Variants in XRRA1 observed in about 807,000 individuals in gnomAD.
The protein encoded by XRRA1 is X-ray radiation resistance associated 1.
In XRRA1, 69 loss-of-function variants were observed where a neutral mutation model predicts 80.2. The ratio of observed to expected loss-of-function variants is 0.86; its 90% CI spans 0.71 to 1.05. The LOEUF (loss-of-function observed/expected upper bound fraction) is 1.05. XRRA1 is among the 50% of genes least tolerant of loss of function. XRRA1 has a pLI of 0.00. For synonymous variants in XRRA1, 348 were observed against 389.9 expected (o/e 0.89, Z 1.27); for missense variants, 967 against 976.4 (o/e 0.99, Z 0.13).
chr11:74,930,021 A>G (rs1943135317), intron 6 of XRRA1, among the ~76,000 whole-genome samples: 1 of 152,200 alleles, frequency 6.6e-6, no homozygotes. Flanking sequence ...CCCATCTCAT[A>G]TGAGCCTGCA....
At chr11:74,914,256 G>T (rs570437140) in intron 8 of XRRA1, among the ~76,000 whole-genome samples, 2 of 152,314 alleles carry the variant, frequency 1.3e-5, no homozygotes, top group Non-Finnish European at 2.9e-5. Flanking sequence ...AAAGTGTTGG[G>T]ATTACAGGCG....
chr11:74,856,064 G>A (rs2041019128), intron 12 of XRRA1, among the ~76,000 whole-genome samples: 1 of 152,146 alleles, frequency 6.6e-6, no homozygotes, highest in Non-Finnish European at 1.5e-5. Flanking sequence ...CCCGGGAGGT[G>A]GAGGCTGCAG....
At chr11:74,894,888 A>T (rs950667564) in intron 10 of XRRA1, among the ~76,000 whole-genome samples, 1 of 152,270 alleles carries the variant, frequency 6.6e-6, no homozygotes, top group Non-Finnish European at 1.5e-5. Context: ...TGAAATACCA[A>T]TTCATAGAAG....
Position 74,848,165 on chromosome 11 carries a change from G to A in XRRA1, c.1678C>T (p.Arg560Cys), listed in dbSNP as rs376343453. Residue 560 changes from arginine to cysteine, a missense_variant, in exon 15 of 19, where the codon CGC becomes TGC. Arg to Cys is a radical substitution (Grantham distance 180). Transcript: ENST00000684022. ...CTCTTGGAGTCCTCATCTGATGGGC[G>A]CTCTGGGCTGAGGCGGACAGTTGTG... ...SDTTVRLSPERPSDEDSKSTE... is the reference protein window; with the variant it reads ...SDTTVRLSPECPSDEDSKSTE... 4.9e-5 allele frequency: 79 copies of A among 1,613,236 alleles called. No individual in the cohort carries two copies. Among genetic ancestry groups the A allele is most frequent in the East Asian group, 8.9e-5 (4 of 44,884 alleles).
Position 74,930,352 on chromosome 11 carries a change from C to T in XRRA1, c.372G>A (p.Lys124=). The change falls in exon 6 of 19, where the codon AAG becomes AAA. Residue 124 remains lysine (K), a synonymous_variant. Transcript: ENST00000684022. The part of the protein sequence containing the change: ...KFSKAKENDF[K]HFHSVIYINA... ...TGATATAAATCACAGAATGAAAATG[C>T]TTGAAGTCATTTTCCTTGGCCTGTA... is the stretch of plus-strand genomic sequence containing the variant. 1.3e-6 allele frequency: 2 copies of T among 1,563,716 alleles called. No homozygotes were observed.
intron 6 of XRRA1, among the ~76,000 whole-genome samples, chr11:74,928,167 TTCTC>T (rs1413331824): frequency 6.6e-6 from 1 of 152,236 alleles, no homozygotes; most frequent in African/African-American, 2.4e-5. Context: ...GAATAAATGT[TTCTC>T]TCTTTGAATG....
intron 8 of XRRA1, among the ~76,000 whole-genome samples, chr11:74,916,656 A>C (rs1440240947): frequency 6.6e-6 from 1 of 151,690 alleles, no homozygotes; most frequent in Non-Finnish European, 1.5e-5. Context: ...TTTCTCAGGG[A>C]TAGTTTCTGT....
At chr11:74,935,422 G>A (rs1012176061) in intron 4 of XRRA1, among the ~76,000 whole-genome samples, 1 of 152,200 alleles carries the variant, frequency 6.6e-6, no homozygotes, top group African/African-American at 2.4e-5. Flanking sequence ...TGAAATAAAA[G>A]CATCCTAATT....
intron 10 of XRRA1, among the ~76,000 whole-genome samples, chr11:74,865,955 G>A (rs1390349829): frequency 6.6e-6 from 1 of 152,182 alleles, no homozygotes; most frequent in Non-Finnish European, 1.5e-5. Flanking sequence ...TGAGATGCCA[G>A]TAGTGGTCCC....
rs755564067 is a variant in XRRA1, at chr11:74,844,228, G to A, written c.1983C>T (p.Cys661=). 6.2e-7 allele frequency: 1 copy of A among 1,613,840 alleles called. No individual in the cohort carries two copies. Among genetic ancestry groups the A allele is most frequent in the Non-Finnish European group, 8.5e-7 (1 of 1,179,872 alleles). ...LQQMLKHPLL[C]HSSKPKLDTL... ...TGTCCAGCTTGGGCTTGGAGGAGTGGCACAGGAGTGGGTGCTTCAGCATTT... is the reference window on the plus strand; with the variant it reads ...TGTCCAGCTTGGGCTTGGAGGAGTGACACAGGAGTGGGTGCTTCAGCATTT... The change falls in exon 17 of 19, where the codon TGC becomes TGT. Residue 661 remains cysteine, a synonymous_variant. Transcript: ENST00000684022.
chr11:74,867,432 C>G (rs1038932729), intron 10 of XRRA1, among the ~76,000 whole-genome samples: 1 of 152,084 alleles, frequency 6.6e-6, no homozygotes, highest in African/African-American at 2.4e-5. Flanking sequence ...TTTCAGAATA[C>G]AACTGCAATG....
chr11:74,875,129 C>T (rs2045755264), intron 10 of XRRA1, among the ~76,000 whole-genome samples: 2 of 152,194 alleles, frequency 1.3e-5, no homozygotes, highest in South Asian at 2.1e-4. Flanking sequence ...AAAATACCAT[C>T]AGGAAATTAA....
intron 3 of XRRA1, among the ~76,000 whole-genome samples, chr11:74,939,149 C>T (rs1213910520): frequency 2.0e-5 from 3 of 151,964 alleles, no homozygotes; most frequent in Admixed American, 6.6e-5. Context: ...GTCAGGAGTT[C>T]GAGACCAGTC....
chr11:74,917,140 A>G (rs796479960), intron 8 of XRRA1, among the ~76,000 whole-genome samples: 7 of 152,290 alleles, frequency 4.6e-5, no homozygotes, highest in African/African-American at 1.7e-4. Flanking sequence ...GTGCACCTCA[A>G]TGATGAGAAG....
At chr11:74,932,460 C>T (rs1943852704) in intron 5 of XRRA1, among the ~76,000 whole-genome samples, 1 of 152,190 alleles carries the variant, frequency 6.6e-6, no homozygotes, top group African/African-American at 2.4e-5. Flanking sequence ...TCCCTCTCTA[C>T]TGGACTATAT....
Position 74,944,255 on chromosome 11 carries a change from A to G in XRRA1, c.-5+763T>C, listed in dbSNP as rs1031855080. Among the ~76,000 whole-genome samples, 3 of 152,140 alleles carry G rather than the reference A, an allele frequency of 2.0e-5. No homozygotes were observed. In the South Asian group the frequency reaches 6.2e-4, roughly 32 times the overall value. On this transcript the variant is annotated intron_variant, in intron 2 of 18. Coordinates refer to ENST00000684022, the MANE Select transcript of XRRA1 (RefSeq NM_001378157.1). ...TCTAATTCACTGTCTCTCTTCCACCATTGGGACTTAGCTCATAGGAAGCAC... is the reference window on the plus strand; with the variant it reads ...TCTAATTCACTGTCTCTCTTCCACCGTTGGGACTTAGCTCATAGGAAGCAC...
intron 10 of XRRA1, among the ~76,000 whole-genome samples, chr11:74,880,568 G>A (rs535993645): frequency 0.023 from 3,508 of 149,534 alleles, 107 homozygotes; most frequent in African/African-American, 0.083. Context: ...TGTCAATTTT[G>A]GATCTTTCCT....
At chr11:74,936,619 T>C (rs1211387958) in intron 4 of XRRA1, among the ~76,000 whole-genome samples, 1 of 152,240 alleles carries the variant, frequency 6.6e-6, no homozygotes, top group African/African-American at 2.4e-5. Context: ...AACTACTTCT[T>C]GGAGCCTCAG....
intron 10 of XRRA1, among the ~76,000 whole-genome samples, chr11:74,886,248 C>T (rs548966543): frequency 2.6e-5 from 4 of 152,186 alleles, no homozygotes. Context: ...GAGGCCTCCA[C>T]ATAGGAAGAG....
Sources: allele counts gnomAD v4.1 joint callset (sites outside exome capture counted in the v4.1 genomes callset), GRCh38; gene constraint gnomAD v4.1.1; transcripts MANE v1.5; gene names NCBI Gene and HGNC (gene_info 2026-07-23, HGNC 2026-07-21).